Variants in MAST4 observed in about 807,000 individuals in gnomAD.
The protein encoded by MAST4 is microtubule-associated serine/threonine-protein kinase 4.
A neutral mutation model predicts 162.7 loss-of-function variants in MAST4; 89 were observed. The observed-to-expected ratio is 0.55, with a 90% CI of 0.46 to 0.65. The LOEUF is 0.65. MAST4 is among the 30% of genes least tolerant of loss of function. The probability of loss-of-function intolerance (pLI) is 0.00; values close to 1 mark genes in which losing one functional copy is unlikely to be tolerated. For missense variants in MAST4, 3,153 were observed against 3,374.0 expected (o/e 0.93, Z 1.62); for synonymous variants, 1,479 against 1,361.1 (o/e 1.09, Z -1.91).
In MAST4 at chr5:66,963,960, A is replaced by C. The variant is rs1746336357; in HGVS notation, c.674+63978A>C. 1.8e-5 allele frequency: 13 copies of C among 708,746 alleles called. No individual in the cohort carries two copies. The Middle Eastern group carries it at 6.9e-4, about 38-fold the overall frequency. The allele number at this position is 708,746 out of a possible 1,614,324, so 43.9% of individuals were successfully genotyped here. A position where few individuals can be genotyped will look rare whatever the true frequency, so the allele number is the denominator to read the frequency against. ...ATCACTTACTCTATTTAGCATATTT[A>C]CTCATATTTCACTTGGTGTCTCTTG... On this transcript the variant is annotated intron_variant, in intron 4 of 28. Transcript: ENST00000403625.
At position 66,818,430 on chromosome 5, in the gene MAST4, T is replaced by TAA. The variant is rs776823661; in HGVS notation, c.642+29646_642+29647dup. On this transcript the variant is annotated intron_variant, in intron 3 of 28. Transcript: ENST00000403625. ...TAAAGAGAAATTTTGCCACTAAAAA[T>TAA]AAAAAAAAAAACAGAACAGATTTCA... 3.7e-4 allele frequency among the ~76,000 whole-genome samples: 54 copies of TAA among 146,464 alleles called. No individual in the cohort carries two copies. In the Middle Eastern group the frequency reaches 0.014, roughly 38 times the overall value.
chr5:66,904,069 G>A (rs996302809), intron 4 of MAST4, among the ~76,000 whole-genome samples: 2 of 152,198 alleles, frequency 1.3e-5, no homozygotes, highest in Non-Finnish European at 2.9e-5. Flanking sequence ...TTATGAAAGT[G>A]CCATTATTGT....
At chr5:66,829,317 T>C (rs1049320341) in intron 3 of MAST4, among the ~76,000 whole-genome samples, 5 of 152,108 alleles carry the variant, frequency 3.3e-5, no homozygotes, top group African/African-American at 1.2e-4. Flanking sequence ...TGCAGTTGTG[T>C]GCAGCTGCTG....
chr5:66,984,866 CTT>C, intron 4 of MAST4, among the ~76,000 whole-genome samples: 1 of 152,100 alleles, frequency 6.6e-6, no homozygotes, highest in East Asian at 1.9e-4. Context: ...GTGGGGAAGA[CTT>C]GAGAGGGCGG....
At chr5:66,715,923 T>C (rs1433261661) in intron 1 of MAST4, among the ~76,000 whole-genome samples, 3 of 152,116 alleles carry the variant, frequency 2.0e-5, no homozygotes, top group Non-Finnish European at 2.9e-5. Context: ...TTCTCTCAAA[T>C]TGCATTCTAC....
chr5:67,033,313 C>CTGTGTG (rs1360368682), intron 4 of MAST4, among the ~76,000 whole-genome samples: 1 of 70,226 alleles, frequency 1.4e-5, no homozygotes, highest in African/African-American at 1.0e-4. Flanking sequence ...GTTTTCATTT[C>CTGTGTG]TCTGTGTGTG....
chr5:67,000,305 C>T (rs1169887959), intron 4 of MAST4, among the ~76,000 whole-genome samples: 1 of 152,188 alleles, frequency 6.6e-6, no homozygotes, highest in African/African-American at 2.4e-5. Context: ...GCCTCATGGC[C>T]CGAGTGTCCT....
intron 3 of MAST4, among the ~76,000 whole-genome samples, chr5:66,837,863 T>TA: frequency 1.3e-5 from 1 of 75,038 alleles, no homozygotes; most frequent in African/African-American, 8.0e-5. Flanking sequence ...GAGACTTGAT[T>TA]TTATATATAT....
chr5:67,014,611 A>G (rs1753066420), intron 4 of MAST4, among the ~76,000 whole-genome samples: 1 of 152,190 alleles, frequency 6.6e-6, no homozygotes, highest in Non-Finnish European at 1.5e-5. Context: ...TCTCCTGTGA[A>G]GTTCAGGCAG....
At chr5:66,978,697 G>T (rs1453876554) in intron 4 of MAST4, among the ~76,000 whole-genome samples, 1 of 152,190 alleles carries the variant, frequency 6.6e-6, no homozygotes, top group African/African-American at 2.4e-5. Flanking sequence ...ATGTAGACAT[G>T]TATGTTCAAG....
chr5:66,832,103 T>C (rs540922702), intron 3 of MAST4, among the ~76,000 whole-genome samples: 3 of 152,246 alleles, frequency 2.0e-5, no homozygotes, highest in Admixed American at 6.5e-5. Context: ...CATGACTTAC[T>C]AAAAGAGAGG....
intron 1 of MAST4, among the ~76,000 whole-genome samples, chr5:66,710,980 G>C (rs1750460973): frequency 6.6e-6 from 1 of 152,154 alleles, no homozygotes; most frequent in African/African-American, 2.4e-5. Context: ...AGTTATTCCA[G>C]AAGCATCCTC....
chr5:66,673,903 G>A (rs1369004968), intron 1 of MAST4, among the ~76,000 whole-genome samples: 2 of 152,126 alleles, frequency 1.3e-5, no homozygotes, highest in South Asian at 2.1e-4. Context: ...GCATAACAAA[G>A]TGGTCATCTA....
chr5:67,126,437 G>T (rs1411831370), intron 14 of MAST4, among the ~76,000 whole-genome samples: 2 of 152,066 alleles, frequency 1.3e-5, no homozygotes, highest in South Asian at 2.1e-4. Context: ...TTTAAGAAAG[G>T]GATCCAGTTT....
At chr5:67,082,731 A>T (rs74951573) in intron 5 of MAST4, among the ~76,000 whole-genome samples, 1 of 152,312 alleles carries the variant, frequency 6.6e-6, no homozygotes, top group East Asian at 1.9e-4. Flanking sequence ...GCATATATAC[A>T]AAAATTTAGA....
intron 1 of MAST4, among the ~76,000 whole-genome samples, chr5:66,748,713 C>A (rs1752946787): frequency 6.6e-6 from 1 of 151,920 alleles, no homozygotes; most frequent in South Asian, 2.1e-4. Context: ...TGGTCTCGAT[C>A]TCTTGACCTC....
rs147297654 is a variant in MAST4 at position 66,758,799 on chromosome 5, T to C, written c.364-910T>C. Among the ~76,000 whole-genome samples, 75 of 152,362 alleles carry C rather than the reference T, an allele frequency of 4.9e-4. No individual in the cohort carries two copies. In the East Asian group the frequency reaches 0.014, roughly 29 times the overall value. The stretch of plus-strand genomic sequence containing the variant: ...GGCTTTGAATAATGTTACTTGACTC[T>C]TCTGTTTTTAAATTTCTACAGAGTT... On this transcript the variant is annotated intron_variant, in intron 1 of 28. Transcript: ENST00000403625.
chr5:66,845,683 C>T (rs544667595), intron 3 of MAST4, among the ~76,000 whole-genome samples: 9 of 152,080 alleles, frequency 5.9e-5, no homozygotes, highest in Non-Finnish European at 1.2e-4. Flanking sequence ...CTTGAGGGAT[C>T]GCCACACTGT....
chr5:66,859,418 A>C (rs1436456048), intron 3 of MAST4, among the ~76,000 whole-genome samples: 2 of 152,146 alleles, frequency 1.3e-5, no homozygotes, highest in East Asian at 3.8e-4. Flanking sequence ...AATTTAAGAC[A>C]CAGGTCAGTG....
Sources: gnomAD v4.1 joint callset for allele counts (sites outside exome capture counted in the v4.1 genomes callset) on GRCh38, gnomAD v4.1.1 for gene constraint, MANE v1.5 for transcripts, NCBI Gene and HGNC (gene_info 2026-07-23, HGNC 2026-07-21) for gene names.